Variants in GTF2I observed in about 807,000 individuals in gnomAD.
GTF2I encodes the protein general transcription factor IIi, also known as general transcription factor II-I.
In GTF2I, 12 loss-of-function variants were observed where a neutral mutation model predicts 67.6. The observed-to-expected ratio is 0.18, with a 90% confidence interval of 0.11 to 0.29. GTF2I has a LOEUF of 0.29. GTF2I is among the 10% of genes least tolerant of loss of function. The pLI is 1.00. For synonymous variants in GTF2I, 149 were observed against 197.0 expected (o/e 0.76, Z 2.04); for missense variants, 271 against 580.1 (o/e 0.47, Z 5.47).
At position 74,691,293 on chromosome 7, in the gene GTF2I, G is replaced by A. The variant is rs188010995; in HGVS notation, c.238+182G>A. On this transcript the variant is annotated intron_variant, in intron 3 of 34. Coordinates refer to ENST00000573035, the MANE Select transcript of GTF2I (RefSeq NM_032999.4). ...ACACTCTTGGCTCACCACAACCCCCGCTGCGTGAGTTCAAGTGATTCTCCT... is the reference window on the plus strand; with the variant it reads ...ACACTCTTGGCTCACCACAACCCCCACTGCGTGAGTTCAAGTGATTCTCCT... 1.9e-4 allele frequency among the ~76,000 whole-genome samples: 28 copies of A among 148,956 alleles called. No individual in the cohort carries two copies. In the East Asian group the frequency reaches 4.6e-3, roughly 24 times the overall value.
At chr7:74,695,996 A>ATTT (rs782499083) in intron 3 of GTF2I, among the ~76,000 whole-genome samples, 1 of 144,148 alleles carries the variant, frequency 6.9e-6, no homozygotes. Flanking sequence ...ATTGCTAATA[A>ATTT]TTTTTTTTTT....
chr7:74,717,098 T>A (rs375857360), intron 11 of GTF2I, 148 bp downstream of exon 11: 195 of 1,110,498 alleles, frequency 1.8e-4, no homozygotes, highest in African/African-American at 1.2e-3. Context: ...ATTATTTTTT[T>A]AAAAATTCTA....
intron 14 of GTF2I, among the ~76,000 whole-genome samples, 180 bp from the exon 15 acceptor site, chr7:74,732,299 G>T (rs1239282470): frequency 6.6e-6 from 1 of 151,198 alleles, no homozygotes; most frequent in African/African-American, 2.4e-5. Context: ...GCGTGAGCCC[G>T]GGAGGCAGAG....
At chr7:74,678,647 A>G (rs1554393144) in intron 1 of GTF2I, among the ~76,000 whole-genome samples, 18 of 152,110 alleles carry the variant, frequency 1.2e-4, no homozygotes. Context: ...TACTAATTTA[A>G]ACTATTGTCT....
intron 1 of GTF2I, among the ~76,000 whole-genome samples, chr7:74,659,852 T>A (rs587660897): frequency 1.2e-4 from 18 of 152,282 alleles, no homozygotes; most frequent in African/African-American, 4.1e-4. Flanking sequence ...CTCATCTCTT[T>A]TAAATTCAAC....
chr7:74,690,857 A>G, intron 2 of GTF2I, 116 bp from the exon 3 acceptor site: 1 of 987,876 alleles, frequency 1.0e-6, no homozygotes, highest in Non-Finnish European at 1.5e-6. Flanking sequence ...CAGGCCAAAA[A>G]CTATCTTGAA....
Position 74,730,403 on chromosome 7 carries a change from A to G in GTF2I, c.1120+109A>G, listed in dbSNP as rs1584307985. ...TGGACAAGCCCAGCCCAGGGCTGCC[A>G]GTGAACCGTGCCACACTTTCTTACA... is the stretch of plus-strand genomic sequence containing the variant. On this transcript the variant is annotated intron_variant, in intron 14 of 34. Coordinates refer to ENST00000573035, the MANE Select transcript of GTF2I (RefSeq NM_032999.4). 3 of 94,810 alleles carry G rather than the reference A, an allele frequency of 3.2e-5. No homozygotes were observed. The Admixed American group carries it at 3.5e-4, about 11-fold the overall frequency. The allele number at this position is 94,810 out of a possible 1,614,324, so 5.9% of individuals were successfully genotyped here.
At chr7:74,706,990 C>T (rs1430033852) in intron 8 of GTF2I, among the ~76,000 whole-genome samples, 1 of 152,174 alleles carries the variant, frequency 6.6e-6, no homozygotes, top group African/African-American at 2.4e-5. Context: ...GCTGGGATTA[C>T]AGGCATACGC....
At chr7:74,715,955 A>G (rs371526468) in intron 10 of GTF2I, among the ~76,000 whole-genome samples, 5 of 152,236 alleles carry the variant, frequency 3.3e-5, no homozygotes, top group Admixed American at 2.0e-4. Flanking sequence ...CATTTATAAC[A>G]TATCTTACTT....
At chr7:74,726,364 C>T (rs1018695665) in intron 12 of GTF2I, 2 of 152,054 alleles carry the variant, frequency 1.3e-5, no homozygotes, top group Admixed American at 6.6e-5. Context: ...GTTGGAAAAT[C>T]GGGTTTTTTA....
intron 1 of GTF2I, among the ~76,000 whole-genome samples, chr7:74,688,722 T>C (rs1284914690): frequency 1.3e-5 from 2 of 152,188 alleles, no homozygotes; most frequent in Non-Finnish European, 2.9e-5. Context: ...CTCAGTCCAC[T>C]GTACCCACTC....
In GTF2I at chr7:74,689,378, G is replaced by A. The variant is rs754619581; in HGVS notation, c.99+151G>A. 22 of 440,094 alleles carry A rather than the reference G, an allele frequency of 5.0e-5. No homozygotes were observed. In the East Asian group the frequency reaches 6.2e-4, roughly 12 times the overall value. 27.3% of individuals were successfully genotyped at this position (440,094 alleles called of 1,614,324 possible). A position where few individuals can be genotyped will look rare whatever the true frequency, so the allele number is the denominator to read the frequency against. The stretch of plus-strand genomic sequence containing the variant: ...TTTTTTTTTTTTTTTTTTTTGAGAC[G>A]GAGTCTTGCTCTGTTGCCCAGGCTA... On this transcript the variant is annotated intron_variant, in intron 2 of 34. Coordinates refer to ENST00000573035, the MANE Select transcript of GTF2I (RefSeq NM_032999.4).
intron 1 of GTF2I, 47 bp from the exon 2 acceptor site, chr7:74,689,077 G>A: frequency 3.5e-6 from 4 of 1,127,794 alleles, no homozygotes; most frequent in Non-Finnish European, 5.4e-6. Flanking sequence ...GTGGGTTCAG[G>A]ACACCAGATT....
At chr7:74,670,972 G>C (rs1312448658) in intron 1 of GTF2I, among the ~76,000 whole-genome samples, 1 of 151,692 alleles carries the variant, frequency 6.6e-6, no homozygotes, top group South Asian at 2.1e-4. Flanking sequence ...AGGTCTTTCC[G>C]AATAGCTGGT....
intron 34 of GTF2I, 188 bp downstream of exon 34, chr7:74,759,043 AAT>A (rs1796236577): frequency 1.6e-5 from 3 of 190,850 alleles, no homozygotes; most frequent in African/African-American, 6.4e-5. Context: ...TCCTTGGATC[AAT>A]ATATGTCTCT....
chr7:74,658,565 T>C (rs1804155487), intron 1 of GTF2I, among the ~76,000 whole-genome samples: 1 of 149,392 alleles, frequency 6.7e-6, no homozygotes, highest in African/African-American at 2.5e-5. Context: ...TCGCCTGGTG[T>C]ATCTGGGGCT....
intron 3 of GTF2I, among the ~76,000 whole-genome samples, chr7:74,697,396 GA>G (rs1259261341): frequency 4.0e-5 from 6 of 149,446 alleles, no homozygotes; most frequent in Admixed American, 6.7e-5. Context: ...TCCGTCTCCA[GA>G]AAAAAAAAAT....
At chr7:74,702,711 G>A (rs1299111097) in intron 6 of GTF2I, among the ~76,000 whole-genome samples, 1 of 151,266 alleles carries the variant, frequency 6.6e-6, no homozygotes, top group African/African-American at 2.4e-5. Flanking sequence ...GATTGTTGAT[G>A]TGTTTTTACT....
At position 74,743,313 on chromosome 7, in the gene GTF2I, ACT is replaced by A. The variant is rs1374402621; in HGVS notation, c.1679-133_1679-132del. On this transcript the variant is annotated intron_variant, in intron 19 of 34. Transcript: ENST00000573035. Reference sequence around the variant, plus strand: ...GCTCCAGCCTGGGCGACAGAGCAAGACTCTGTCTCAAAAAAATAAAACAAAAC... The same window carrying A: ...GCTCCAGCCTGGGCGACAGAGCAAGACTGTCTCAAAAAAATAAAACAAAAC... 21 of 230,758 alleles carry A rather than the reference ACT, an allele frequency of 9.1e-5. No individual in the cohort carries two copies. In the African/African-American group the frequency reaches 1.1e-3, roughly 12 times the overall value. The allele number at this position is 230,758 out of a possible 1,614,324, so 14.3% of individuals were successfully genotyped here. A position where few individuals can be genotyped will look rare whatever the true frequency, so the allele number is the denominator to read the frequency against.
Sources: allele counts gnomAD v4.1 joint callset (sites outside exome capture counted in the v4.1 genomes callset), GRCh38; gene constraint gnomAD v4.1.1; transcripts MANE v1.5; gene names NCBI Gene and HGNC (gene_info 2026-07-23, HGNC 2026-07-21).